RSPH14: variants seen among roughly 807,000 people sequenced by gnomAD.
RSPH14 encodes rhabdoid tumor deletion region gene 1.
A neutral mutation model predicts 26.7 loss-of-function variants in RSPH14; 20 were observed. The ratio of observed to expected loss-of-function variants is 0.75; its 90% CI spans 0.53 to 1.09. The LOEUF is 1.09. Ranked by LOEUF, RSPH14 falls within the 50% of genes least tolerant of loss-of-function variation. RSPH14 has a pLI of 0.00. For synonymous variants in RSPH14, 177 were observed against 189.3 expected, an observed-to-expected ratio of 0.93 and a Z score of 0.53; for missense variants, 449 against 457.2, an observed-to-expected ratio of 0.98 and a Z score of 0.16.
At chr22:23,180,042 C>CG in the RSPH14 span, 1 of 365,440 alleles carries the variant, frequency 2.7e-6, no homozygotes, top group East Asian at 6.6e-5. Flanking sequence ...GGCACTGCGG[C>CG]GTGGTAGGGG....
chr22:23,095,807 C>T (rs1337089316), intron 4 of RSPH14: 2 of 1,613,500 alleles, frequency 1.2e-6, no homozygotes, highest in African/African-American at 1.3e-5. Flanking sequence ...CAAGCTGCTC[C>T]TGCTGGGCAC....
chr22:23,062,971 C>T (rs1388305437), intron 5 of RSPH14, among the ~76,000 whole-genome samples: 1 of 152,236 alleles, frequency 6.6e-6, no homozygotes, highest in East Asian at 1.9e-4. Flanking sequence ...GAGGAAAGCC[C>T]TGTCCTCAGG....
At chr22:23,094,530 G>A (rs1037816390) in intron 4 of RSPH14, among the ~76,000 whole-genome samples, 8 of 152,184 alleles carry the variant, frequency 5.3e-5, no homozygotes, top group African/African-American at 1.7e-4. Flanking sequence ...GGATTTCCCC[G>A]CAGCACCACG....
intron 4 of RSPH14, among the ~76,000 whole-genome samples, chr22:23,074,809 A>G (rs2068470779): frequency 6.6e-6 from 1 of 152,158 alleles, no homozygotes; most frequent in Non-Finnish European, 1.5e-5. Flanking sequence ...TCAAGCAGGC[A>G]GGGCATGCCC....
At position 23,105,671 on chromosome 22, in the gene RSPH14, G is replaced by C. The variant is rs563568368; in HGVS notation, c.421+28355C>G. 3.9e-5 allele frequency among the ~76,000 whole-genome samples: 6 copies of C among 152,340 alleles called. No homozygotes were observed. In the South Asian group the frequency reaches 1.2e-3, roughly 32 times the overall value. The stretch of plus-strand genomic sequence containing the variant: ...TTCTTCGCATGGTGATGGCGTGCAA[G>C]CTCCTGGCCAGGCCTGTGTCTGTGT... On this transcript the variant is annotated intron_variant, in intron 4 of 6. Coordinates refer to ENST00000216036, the MANE Select transcript of RSPH14 (RefSeq NM_014433.3).
At chr22:23,128,540 G>C (rs1326821911) in intron 4 of RSPH14, among the ~76,000 whole-genome samples, 1 of 152,238 alleles carries the variant, frequency 6.6e-6, no homozygotes, top group Non-Finnish European at 1.5e-5. Context: ...GGTGAGCGCA[G>C]CAGCTTGGGC....
chr22:23,063,107 C>T (rs2068127585), intron 5 of RSPH14, among the ~76,000 whole-genome samples: 1 of 152,178 alleles, frequency 6.6e-6, no homozygotes, highest in Non-Finnish European at 1.5e-5. Context: ...GAAAGCCACT[C>T]TCATGGTCCC....
chr22:23,165,513 G>A, the RSPH14 span, among the ~76,000 whole-genome samples: 21 of 152,204 alleles, frequency 1.4e-4, no homozygotes, highest in Admixed American at 2.6e-4. Flanking sequence ...AACAGGTCTC[G>A]GGAAGGACAC....
At chr22:23,159,006 G>C in the RSPH14 span, 1 of 1,610,572 alleles carries the variant, frequency 6.2e-7, no homozygotes, top group Non-Finnish European at 8.5e-7. Flanking sequence ...TGGTGGTCTG[G>C]GTGGCCCTTG....
the RSPH14 span, among the ~76,000 whole-genome samples, chr22:23,175,014 T>C: frequency 3.4e-5 from 5 of 147,356 alleles, no homozygotes; most frequent in Admixed American, 6.9e-5. Context: ...TTTTTTTTTT[T>C]CAGACAGAGT....
At chr22:23,161,123 CCTCCT>C in the RSPH14 span, 20 of 1,241,214 alleles carry the variant, frequency 1.6e-5, no homozygotes, top group Non-Finnish European at 2.2e-5. Flanking sequence ...GTCCTTTGAC[CCTCCT>C]CTCAGGGTGT....
intron 4 of RSPH14, among the ~76,000 whole-genome samples, chr22:23,066,194 T>C (rs958116511): frequency 1.3e-5 from 2 of 152,180 alleles, no homozygotes; most frequent in African/African-American, 4.8e-5. Context: ...AGTTGTTAAT[T>C]TTCAAATCAG....
At chr22:23,073,049 CAT>C (rs2068418205) in intron 4 of RSPH14, among the ~76,000 whole-genome samples, 1 of 152,244 alleles carries the variant, frequency 6.6e-6, no homozygotes, top group Admixed American at 6.5e-5. Flanking sequence ...TGTGTGAACA[CAT>C]GTGTGCGGCT....
chr22:23,135,368 TGTA>T lies in RSPH14; in HGVS notation c.303-1227_303-1225del, dbSNP rs1351299111. Among the ~76,000 whole-genome samples, 3 of 148,418 alleles carry T rather than the reference TGTA, an allele frequency of 2.0e-5. No individual in the cohort carries two copies. In the East Asian group the frequency reaches 5.9e-4, roughly 29 times the overall value. ...TTAGCTGGGTGTGGTGGCGGGCGCC[TGTA>T]GTCCCAGCTACTTTGGAGGCTGAGG... On this transcript the variant is annotated intron_variant, in intron 3 of 6. Transcript: ENST00000216036.
intron 4 of RSPH14, chr22:23,070,346 C>G (rs2068318416): frequency 8.9e-6 from 1 of 112,128 alleles, no homozygotes; most frequent in Non-Finnish European, 2.0e-5. Flanking sequence ...CGGGCGGACC[C>G]GCGGACTGGC....
At chr22:23,089,538 C>T (rs2068904879) in intron 4 of RSPH14, among the ~76,000 whole-genome samples, 1 of 152,042 alleles carries the variant, frequency 6.6e-6, no homozygotes, top group South Asian at 2.1e-4. Flanking sequence ...TGCAAAGGTC[C>T]CAAGAGAGGT....
At chr22:23,146,026 G>C, upstream of RSPH14, 7 of 984,976 alleles carry the variant, frequency 7.1e-6, no homozygotes, top group Non-Finnish European at 7.2e-6. Flanking sequence ...TCACAGCCCA[G>C]TAAGGTAAGC....
chr22:23,098,631 C>T (rs2069195671), intron 4 of RSPH14, among the ~76,000 whole-genome samples: 1 of 152,244 alleles, frequency 6.6e-6, no homozygotes, highest in South Asian at 2.1e-4. Flanking sequence ...AGTGGTTGTT[C>T]ACCAGAAAAG....
chr22:23,160,287 T>C, the RSPH14 span, among the ~76,000 whole-genome samples: 1 of 152,106 alleles, frequency 6.6e-6, no homozygotes, highest in African/African-American at 2.4e-5. Flanking sequence ...AGAGTAACAG[T>C]GAGTTCACCG....
Sources: gnomAD v4.1 joint callset for allele counts (sites outside exome capture counted in the v4.1 genomes callset) on GRCh38, gnomAD v4.1.1 for gene constraint, MANE v1.5 for transcripts, NCBI Gene and HGNC (gene_info 2026-07-23, HGNC 2026-07-21) for gene names.